Variants in H1-8 observed in about 807,000 individuals in gnomAD.
The protein encoded by H1-8 is H1.8 linker histone.
H1-8 carries 13 observed loss-of-function variants against 19.5 expected under a neutral mutation model. The ratio of observed to expected loss-of-function variants is 0.67; its 90% CI spans 0.43 to 1.06. H1-8 has a LOEUF of 1.06. Ranked by LOEUF, H1-8 falls within the 50% of genes least tolerant of loss-of-function variation. H1-8 has a pLI of 0.00. For missense variants in H1-8, 432 were observed against 459.8 expected (o/e 0.94, Z 0.55); for synonymous variants, 193 against 187.6 (o/e 1.03, Z -0.24).
intron 2 of H1-8, 33 bp downstream of exon 2, chr3:129,547,713 G>A: frequency 6.6e-7 from 1 of 1,510,426 alleles, no homozygotes; most frequent in Non-Finnish European, 8.8e-7. Flanking sequence ...ATAGCCCAGG[G>A]TTGGAGCAAT....
chr3:129,550,288 G>A (rs138445650), intron 3 of H1-8, among the ~76,000 whole-genome samples: 1 of 152,302 alleles, frequency 6.6e-6, no homozygotes, highest in East Asian at 1.9e-4. Flanking sequence ...TGTTGCCCCA[G>A]CTACTTGGGA....
intron 1 of H1-8, among the ~76,000 whole-genome samples, 159 bp downstream of exon 1, chr3:129,543,465 G>T (rs908273100): frequency 6.6e-6 from 1 of 152,122 alleles, no homozygotes; most frequent in Non-Finnish European, 1.5e-5. Flanking sequence ...CACCCACCCA[G>T]CACCAAGCTG....
intron 3 of H1-8, among the ~76,000 whole-genome samples, 177 bp downstream of exon 3, chr3:129,549,541 A>G (rs1208252215): frequency 6.6e-6 from 1 of 151,604 alleles, no homozygotes; most frequent in Non-Finnish European, 1.5e-5. Flanking sequence ...GGAGGCAGAC[A>G]TTTCAAGGGT....
At chr3:129,551,063 G>A in intron 4 of H1-8, 44 bp from the exon 5 acceptor site, 1 of 1,544,416 alleles carries the variant, frequency 6.5e-7, no homozygotes, top group Non-Finnish European at 8.9e-7. Context: ...TGGGATTTCA[G>A]CCCTTCCCAG....
chr3:129,549,422 G>GC, intron 3 of H1-8, 58 bp downstream of exon 3: 1 of 1,507,440 alleles, frequency 6.6e-7, no homozygotes, highest in South Asian at 1.3e-5. Flanking sequence ...AGCCACTGGA[G>GC]CGGGGGCGGG....
At chr3:129,548,944 G>A (rs1324694045) in intron 2 of H1-8, 57 bp from the exon 3 acceptor site, 2 of 1,535,482 alleles carry the variant, frequency 1.3e-6, no homozygotes, top group South Asian at 1.3e-5. Flanking sequence ...TACGGGGGGT[G>A]GGGGGCGTGA....
At chr3:129,543,348 C>A in intron 1 of H1-8, 42 bp downstream of exon 1, 1 of 1,469,808 alleles carries the variant, frequency 6.8e-7, no homozygotes, top group East Asian at 2.4e-5. Flanking sequence ...CCTGCGAGCC[C>A]ACTCCCTGGG....
chr3:129,544,090 G>T (rs944578319), intron 1 of H1-8, among the ~76,000 whole-genome samples: 6 of 152,204 alleles, frequency 3.9e-5, no homozygotes, highest in Non-Finnish European at 5.9e-5. Context: ...TGAAGGATGA[G>T]TGAGAGCAGC....
intron 1 of H1-8, among the ~76,000 whole-genome samples, chr3:129,546,184 C>A (rs950528790): frequency 6.6e-6 from 1 of 150,962 alleles, no homozygotes; most frequent in South Asian, 2.1e-4. Flanking sequence ...ATTAGCCAGG[C>A]GTGGTGGTGT....
In H1-8 at chr3:129,551,462, T is replaced by G. The variant is rs2084932613; in HGVS notation, c.*122T>G. On this transcript the variant is annotated 3_prime_UTR_variant, in exon 5 of 5. Transcript: ENST00000324382. The stretch of plus-strand genomic sequence containing the variant: ...AATAAAGACTTTTGTTTCTTTTTCC[T>G]CACAATTGGTGTGGGTAGAGGCTGA... 2.8e-6 allele frequency: 2 copies of G among 725,864 alleles called. No individual in the cohort carries two copies. The highest frequency in any genetic ancestry group is 3.4e-4 in the Middle Eastern group (1 of 2,964). 45.0% of individuals were successfully genotyped at this position (725,864 alleles called of 1,614,324 possible).
chr3:129,543,545 G>A (rs535788888), intron 1 of H1-8, among the ~76,000 whole-genome samples: 2 of 152,376 alleles, frequency 1.3e-5, no homozygotes, highest in South Asian at 4.1e-4. Context: ...CCTGGGGGCT[G>A]GGGCCGGCCT....
In H1-8 at chr3:129,543,228, G is replaced by A. The variant is rs1374542949; in HGVS notation, c.10G>A (p.Gly4Arg). The A allele has an allele frequency of 1.9e-6, 3 of 1,612,888 alleles. No individual in the cohort carries two copies. The highest frequency in any genetic ancestry group is 2.2e-5 in the South Asian group (2 of 90,834). The change falls in exon 1 of 5, where the codon GGG (glycine) becomes AGG (arginine). Residue 4 changes from glycine to arginine, a missense_variant. Transcript: ENST00000324382. ...TGCACCTGTCGGTCTCATGGCTCCT[G>A]GGAGCGTCACCAGCGACATCTCACC... is the stretch of plus-strand genomic sequence containing the variant. Reference protein sequence around the residue: MAPGSVTSDISPSS... With the variant: MAPRSVTSDISPSS...
At chr3:129,545,895 T>C (rs1393965242) in intron 1 of H1-8, among the ~76,000 whole-genome samples, 1 of 152,190 alleles carries the variant, frequency 6.6e-6, no homozygotes, top group Non-Finnish European at 1.5e-5. Context: ...GCTATGAACA[T>C]TCATGTGTAC....
At chr3:129,544,115 G>GGA (rs2084870869) in intron 1 of H1-8, among the ~76,000 whole-genome samples, 1 of 152,188 alleles carries the variant, frequency 6.6e-6, no homozygotes, top group Non-Finnish European at 1.5e-5. Context: ...ATGACCGGGA[G>GGA]GAGAGAGGCA....
chr3:129,548,054 G>T (rs975048310), intron 2 of H1-8, among the ~76,000 whole-genome samples: 14 of 152,184 alleles, frequency 9.2e-5, no homozygotes, highest in Non-Finnish European at 1.9e-4. Flanking sequence ...TCAAAGGGGA[G>T]AGTTTCATCT....
intron 3 of H1-8, among the ~76,000 whole-genome samples, chr3:129,550,516 C>T (rs537818183): frequency 6.6e-6 from 1 of 152,182 alleles, no homozygotes; most frequent in Non-Finnish European, 1.5e-5. Flanking sequence ...TTGCCTAGAG[C>T]AAGTGCTTCC....
intron 1 of H1-8, among the ~76,000 whole-genome samples, chr3:129,544,332 G>T (rs925755626): frequency 4.6e-5 from 7 of 152,156 alleles, no homozygotes; most frequent in African/African-American, 1.7e-4. Flanking sequence ...GGGAGGTGAG[G>T]GGTGTGAGAT....
At position 129,547,385 on chromosome 3, in the gene H1-8, C is replaced by T. The variant is rs1362886962; in HGVS notation, c.89-6C>T. On this transcript the variant is annotated splice_polypyrimidine_tract_variant and splice_region_variant and intron_variant, in intron 1 of 4. Transcript: ENST00000324382. Reference sequence around the variant, plus strand: ...CCCCGGGTGATGGCCTGCCATCTCTCCTCAGGCCCGAGCCACGGCGGTGTC... The same window carrying T: ...CCCCGGGTGATGGCCTGCCATCTCTTCTCAGGCCCGAGCCACGGCGGTGTC... The T allele has an allele frequency of 1.3e-6, 2 of 1,489,780 alleles. No individual in the cohort carries two copies. The highest frequency in any genetic ancestry group is 1.4e-5 in the African/African-American group (1 of 70,204). 92.3% of individuals were successfully genotyped at this position (1,489,780 alleles called of 1,614,324 possible). A position where few individuals can be genotyped will look rare whatever the true frequency, so the allele number is the denominator to read the frequency against.
At chr3:129,547,817 C>A (rs2084902231) in intron 2 of H1-8, 137 bp downstream of exon 2, 9 of 800,380 alleles carry the variant, frequency 1.1e-5, no homozygotes, top group Non-Finnish European at 1.5e-5. Context: ...AGCCGAGATG[C>A]CCTCTCCTCT....
Sources: allele counts gnomAD v4.1 joint callset (sites outside exome capture counted in the v4.1 genomes callset), GRCh38; gene constraint gnomAD v4.1.1; transcripts MANE v1.5; gene names NCBI Gene and HGNC (gene_info 2026-07-23, HGNC 2026-07-21).